SIMC1: variants seen among roughly 807,000 people sequenced by gnomAD.
SIMC1 encodes the protein SUMO interacting motifs containing 1, also known as SUMO-interacting motif-containing protein 1.
In SIMC1, 55 loss-of-function variants were observed where a neutral mutation model predicts 82.3. The observed-to-expected ratio is 0.67, with a 90% CI of 0.54 to 0.84. The LOEUF is 0.84. Ranked by LOEUF, SIMC1 falls within the 40% of genes least tolerant of loss-of-function variation. SIMC1 has a pLI of 0.00. For synonymous variants in SIMC1, 353 were observed against 426.3 expected, an observed-to-expected ratio of 0.83 and a Z score of 2.12; for missense variants, 915 against 1,107.2, an observed-to-expected ratio of 0.83 and a Z score of 2.46.
chr5:176,252,811 C>T (rs957598384), intron 1 of SIMC1, among the ~76,000 whole-genome samples: 8 of 152,184 alleles, frequency 5.3e-5, no homozygotes, highest in African/African-American at 1.7e-4. Context: ...TAGGTTGTAG[C>T]GAGCTGAGAT....
chr5:176,339,307 T>C (rs1193545256), intron 9 of SIMC1, among the ~76,000 whole-genome samples: 3 of 152,198 alleles, frequency 2.0e-5, no homozygotes, highest in Admixed American at 2.0e-4. Context: ...GAGGTTGCAG[T>C]GAGCCAAGAT....
At chr5:176,322,540 C>T in intron 6 of SIMC1, 115 bp downstream of exon 6, 1 of 1,233,304 alleles carries the variant, frequency 8.1e-7, no homozygotes, top group South Asian at 2.1e-5. Context: ...AGAACATAGG[C>T]TGATGCTTAT....
chr5:176,301,166 T>A (rs1263409058), intron 4 of SIMC1, among the ~76,000 whole-genome samples: 21 of 152,242 alleles, frequency 1.4e-4, no homozygotes, highest in Admixed American at 5.2e-4. Context: ...CTCCCATAAT[T>A]CCCACGTGTT....
intron 1 of SIMC1, among the ~76,000 whole-genome samples, chr5:176,288,427 A>AATGAATG (rs1561696071): frequency 6.9e-5 from 7 of 101,600 alleles, no homozygotes; most frequent in African/African-American, 2.2e-4. Context: ...ATGAATGAAT[A>AATGAATG]AATAAATAAA....
chr5:176,284,155 C>G (rs1054673664), intron 1 of SIMC1, among the ~76,000 whole-genome samples: 3 of 152,174 alleles, frequency 2.0e-5, no homozygotes, highest in Admixed American at 2.0e-4. Context: ...GAATTGAACT[C>G]AGCTCTGTAC....
At chr5:176,315,272 C>T (rs1027229617) in intron 5 of SIMC1, among the ~76,000 whole-genome samples, 8 of 152,054 alleles carry the variant, frequency 5.3e-5, no homozygotes, top group South Asian at 2.1e-4. Context: ...AGACAGGGGG[C>T]GGGGCTATGG....
At position 176,290,873 on chromosome 5, in the gene SIMC1, T is replaced by C. The variant is rs1176126296; in HGVS notation, c.1349T>C (p.Leu450Pro). The change falls in exon 2 of 10, where the codon CTG (leucine) becomes CCG (proline). Residue 450 changes from leucine (L) to proline (P), a missense_variant. Transcript: ENST00000429602. ...PQGGLYNRPC[L>P]HRLKYFLRPP... ...GGTGGGTTGTACAACAGACCATGCC[T>C]GCATAGACTGAAGTACTTCTTACGT... 1 of 1,613,098 alleles carries C rather than the reference T, an allele frequency of 6.2e-7. No individual in the cohort carries two copies. Among genetic ancestry groups the C allele is most frequent in the Non-Finnish European group, 8.5e-7 (1 of 1,179,478 alleles).
rs200376028 is a variant in SIMC1, at chr5:176,285,744, G to A, written c.130-3910G>A. 3.1e-3 allele frequency among the ~76,000 whole-genome samples: 452 copies of A among 148,054 alleles called. 3 individuals are homozygous for A. The highest frequency in any genetic ancestry group is 0.01 in the African/African-American group (423 of 40,398). On this transcript the variant is annotated intron_variant, in intron 1 of 9. Coordinates refer to ENST00000429602, the MANE Select transcript of SIMC1 (RefSeq NM_001308195.2). Reference sequence around the variant, plus strand: ...GATTGTATATTTAGAAAACCCCATCGTCTCAGCCCAAAATCTCCTTAAGCT... The same window carrying A: ...GATTGTATATTTAGAAAACCCCATCATCTCAGCCCAAAATCTCCTTAAGCT...
At chr5:176,335,878 A>G (rs1382726374) in intron 7 of SIMC1, among the ~76,000 whole-genome samples, 2 of 152,034 alleles carry the variant, frequency 1.3e-5, no homozygotes, top group Non-Finnish European at 2.9e-5. Context: ...CCGCATCTCT[A>G]CAAAAAAAAT....
intron 1 of SIMC1, among the ~76,000 whole-genome samples, chr5:176,267,962 C>T (rs1762268009): frequency 6.6e-6 from 1 of 151,818 alleles, no homozygotes; most frequent in African/African-American, 2.4e-5. Flanking sequence ...GTTGCCAAGG[C>T]TGGTCTCCAG....
At chr5:176,324,501 G>C in intron 6 of SIMC1, 128 bp from the exon 7 acceptor site, 3 of 883,354 alleles carry the variant, frequency 3.4e-6, no homozygotes, top group Non-Finnish European at 4.9e-6. Context: ...CCCTGACCTT[G>C]TGTGTGCTTT....
At chr5:176,345,069 T>G in intron 9 of SIMC1, 114 bp from the exon 10 acceptor site, 1 of 1,365,834 alleles carries the variant, frequency 7.3e-7, no homozygotes, top group Non-Finnish European at 1.0e-6. Context: ...TCGACTTGTA[T>G]CCCTGTAGCT....
chr5:176,264,679 C>G (rs1197697846), intron 1 of SIMC1, among the ~76,000 whole-genome samples: 1 of 151,626 alleles, frequency 6.6e-6, no homozygotes, highest in South Asian at 2.1e-4. Flanking sequence ...TGTTCCTTCC[C>G]TACCACAGGA....
Position 176,248,045 on chromosome 5 carries a change from C to A in SIMC1, c.129+9408C>A, listed in dbSNP as rs187770407. On this transcript the variant is annotated intron_variant, in intron 1 of 9. Transcript: ENST00000429602. ...TAGTTTGAACTCAGGTAGTGTGATG[C>A]CTCCAGCTTTGTTCTTTTTGCTTAG... Among the ~76,000 whole-genome samples the A allele has an allele frequency of 3.3e-3, 498 of 151,988 alleles. 2 individuals are homozygous for A. Among genetic ancestry groups the A allele is most frequent in the African/African-American group, 0.011 (476 of 41,516 alleles).
chr5:176,306,288 TG>T (rs1162850305), intron 4 of SIMC1, among the ~76,000 whole-genome samples: 6 of 99,440 alleles, frequency 6.0e-5, no homozygotes, highest in Non-Finnish European at 8.7e-5. Context: ...GGGAGGGAGG[TG>T]GGGGGGTCAG....
At chr5:176,321,001 C>A (rs1415578130) in intron 5 of SIMC1, among the ~76,000 whole-genome samples, 1 of 152,104 alleles carries the variant, frequency 6.6e-6, no homozygotes, top group Non-Finnish European at 1.5e-5. Context: ...ATTACCTCAC[C>A]CCTCATCCAT....
chr5:176,294,800 A>G (rs1763731581), intron 2 of SIMC1: 2 of 451,228 alleles, frequency 4.4e-6, no homozygotes, highest in Non-Finnish European at 7.8e-6. Flanking sequence ...GTCTTTACTA[A>G]AAATACAAAA....
At chr5:176,342,723 C>T (rs1766203994) in intron 9 of SIMC1, among the ~76,000 whole-genome samples, 1 of 152,246 alleles carries the variant, frequency 6.6e-6, no homozygotes, top group Non-Finnish European at 1.5e-5. Context: ...TCCGTCAATA[C>T]TCAGCTCACA....
intron 4 of SIMC1, among the ~76,000 whole-genome samples, chr5:176,305,063 C>T (rs1335036728): frequency 6.1e-5 from 9 of 148,618 alleles, no homozygotes; most frequent in South Asian, 4.3e-4. Context: ...GGAGCGTCTC[C>T]GCCCGGCAGC....
Sources: allele counts gnomAD v4.1 joint callset (sites outside exome capture counted in the v4.1 genomes callset), GRCh38; gene constraint gnomAD v4.1.1; transcripts MANE v1.5; gene names NCBI Gene and HGNC (gene_info 2026-07-23, HGNC 2026-07-21).